Variants in PDIA6 observed in about 807,000 individuals in gnomAD.
PDIA6 encodes protein disulfide isomerase family A member 6.
Under a neutral mutation model 58.4 loss-of-function variants are expected in PDIA6, and 29 were observed. The observed-to-expected ratio is 0.50, with a 90% CI of 0.37 to 0.68. The LOEUF (loss-of-function observed/expected upper bound fraction) is 0.68. Ranked by LOEUF, PDIA6 falls within the 30% of genes least tolerant of loss-of-function variation. PDIA6 has a pLI of 0.00. For missense variants in PDIA6, 480 were observed against 551.0 expected (o/e 0.87, Z 1.29); for synonymous variants, 192 against 202.6 (o/e 0.95, Z 0.44).
chr2:10,784,428 C>T, intron 12 of PDIA6, 102 bp from the exon 13 acceptor site: 1 of 856,236 alleles, frequency 1.2e-6, no homozygotes, highest in Non-Finnish European at 1.8e-6. Flanking sequence ...GCTACTCCTG[C>T]TACAATCCAG....
At chr2:10,825,419 A>T (rs1190552317) in intron 1 of PDIA6, among the ~76,000 whole-genome samples, 1 of 152,212 alleles carries the variant, frequency 6.6e-6, no homozygotes, top group African/African-American at 2.4e-5. Context: ...AGTTTAAATT[A>T]GTTCACACTC....
chr2:10,830,886 C>T (rs898287841), intron 1 of PDIA6, among the ~76,000 whole-genome samples: 1 of 152,186 alleles, frequency 6.6e-6, no homozygotes, highest in Non-Finnish European at 1.5e-5. Flanking sequence ...CTTCTGTGGT[C>T]TCCTTGGGCG....
chr2:10,803,894 T>C (rs1179627766), intron 1 of PDIA6, among the ~76,000 whole-genome samples: 2 of 147,290 alleles, frequency 1.4e-5, no homozygotes, highest in Non-Finnish European at 3.0e-5. Flanking sequence ...TGTGCGTGTT[T>C]GTGTCCTAGT....
At chr2:10,804,559 GT>G (rs1420056971) in intron 1 of PDIA6, among the ~76,000 whole-genome samples, 1 of 127,984 alleles carries the variant, frequency 7.8e-6, no homozygotes, top group African/African-American at 2.6e-5. Flanking sequence ...GTACCATGCT[GT>G]TTTGGTTACT....
In PDIA6 at chr2:10,797,078, T is replaced by C. The variant is rs749404593; in HGVS notation, c.346+3A>G. 4.4e-5 allele frequency: 71 copies of C among 1,613,260 alleles called. No individual in the cohort carries two copies. The Admixed American group carries it at 5.5e-4, about 13-fold the overall frequency. ...GAATGAAGTAGCTAGGAAAAGTCCTTACCTTGGTAATCTTCTGGTCTGTTT... is the reference window on the plus strand; with the variant it reads ...GAATGAAGTAGCTAGGAAAAGTCCTCACCTTGGTAATCTTCTGGTCTGTTT... On this transcript the variant is annotated splice_donor_region_variant and intron_variant, in intron 4 of 12. Coordinates refer to ENST00000272227, the MANE Select transcript of PDIA6 (RefSeq NM_005742.4).
Position 10,818,181 on chromosome 2 carries a change from G to A in PDIA6, c.34+1093C>T, listed in dbSNP as rs771002110. ...ACCACTTTAACTTTTTTTTTTTTTT[G>A]AGACAGGGTCTCACTCTGTCACCCA... On this transcript the variant is annotated intron_variant, in intron 2 of 13. Transcript: ENST00000381611. Among the ~76,000 whole-genome samples the A allele has an allele frequency of 2.4e-3, 312 of 132,408 alleles. 5 individuals carry two copies. Among genetic ancestry groups the A allele is most frequent in the Admixed American group, 6.3e-3 (83 of 13,136 alleles). The allele number at this position is 132,408 out of a possible 152,430, so 86.9% of individuals were successfully genotyped here.
intron 1 of PDIA6, among the ~76,000 whole-genome samples, chr2:10,805,869 A>G: frequency 1.2e-5 from 1 of 81,046 alleles, no homozygotes; most frequent in Admixed American, 1.7e-4. Flanking sequence ...ATGAGATCAC[A>G]TGGACACAGG....
intron 1 of PDIA6, among the ~76,000 whole-genome samples, chr2:10,824,154 T>C (rs970453331): frequency 6.6e-6 from 1 of 151,674 alleles, no homozygotes; most frequent in African/African-American, 2.4e-5. Context: ...CATACTGTAG[T>C]GGATGCTGTG....
chr2:10,820,942 G>T lies in PDIA6; in HGVS notation c.-47-1588C>A, dbSNP rs919692990. On this transcript the variant is annotated intron_variant, in intron 1 of 13. Transcript: ENST00000381611. ...TCCTAAGAGTCAGGAAGAGGAAGCT[G>T]CCACTTCAGGACCTGGGTTTGGAAA... 13 of 687,786 alleles carry T rather than the reference G, an allele frequency of 1.9e-5. No homozygotes were observed. In the Admixed American group the frequency reaches 2.4e-4, roughly 13 times the overall value. The allele number at this position is 687,786 out of a possible 1,614,324, so 42.6% of individuals were successfully genotyped here. A position where few individuals can be genotyped will look rare whatever the true frequency, so the allele number is the denominator to read the frequency against.
chr2:10,785,175 A>G (rs1380887648), intron 11 of PDIA6, 145 bp from the exon 12 acceptor site: 7 of 623,476 alleles, frequency 1.1e-5, no homozygotes, highest in Non-Finnish European at 1.7e-5. Flanking sequence ...TTCCTCAGAA[A>G]CACCTTGAGG....
intron 1 of PDIA6, among the ~76,000 whole-genome samples, chr2:10,827,876 A>G (rs1251490450): frequency 6.6e-6 from 1 of 152,158 alleles, no homozygotes; most frequent in African/African-American, 2.4e-5. Context: ...AGAGTAAAAA[A>G]AAAGTTTGTG....
intron 1 of PDIA6, among the ~76,000 whole-genome samples, chr2:10,829,639 C>A (rs535779320): frequency 3.7e-4 from 56 of 152,362 alleles, no homozygotes; most frequent in Non-Finnish European, 6.3e-4. Context: ...CTCCTCTCCA[C>A]ACAAATCCTA....
rs866977752 is a variant in PDIA6, at chr2:10,812,605, G to A, written c.19+73C>T. On this transcript the variant is annotated intron_variant, in intron 1 of 12. Transcript: ENST00000272227. The stretch of plus-strand genomic sequence containing the variant: ...CCGCCTGCGGCCGCGGCCCGCCGGG[G>A]AACGGCCTAGAGATTCGAAACCTTT... The A allele has an allele frequency of 1.4e-4, 196 of 1,397,160 alleles. 1 individual carries two copies. Among genetic ancestry groups the A allele is most frequent in the Admixed American group, 3.3e-4 (12 of 36,048 alleles). 86.5% of individuals were successfully genotyped at this position (1,397,160 alleles called of 1,614,324 possible).
upstream of PDIA6, among the ~76,000 whole-genome samples, chr2:10,833,555 G>A (rs374565534): frequency 3.3e-5 from 5 of 152,184 alleles, no homozygotes; most frequent in East Asian, 1.9e-4. Context: ...AGGTAGAGGC[G>A]GCTGGGCCCT....
At chr2:10,798,567 C>A (rs1040149880) in intron 2 of PDIA6, among the ~76,000 whole-genome samples, 2 of 103,302 alleles carry the variant, frequency 1.9e-5, no homozygotes, top group South Asian at 4.0e-4. Flanking sequence ...GACTCTGTCC[C>A]CCACCCAAAA....
intron 1 of PDIA6, among the ~76,000 whole-genome samples, chr2:10,821,956 A>AG (rs1553341735): frequency 6.7e-6 from 1 of 149,610 alleles, no homozygotes; most frequent in East Asian, 2.0e-4. Context: ...TAAAAAAAAA[A>AG]TTTTTTTGAG....
At chr2:10,799,822 T>C (rs1666424999) in intron 2 of PDIA6, among the ~76,000 whole-genome samples, 1 of 150,602 alleles carries the variant, frequency 6.6e-6, no homozygotes, top group Non-Finnish European at 1.5e-5. Context: ...AAATATGGCA[T>C]ACAGTCTACC....
intron 1 of PDIA6, among the ~76,000 whole-genome samples, chr2:10,826,324 A>G (rs1734406): frequency 0.61 from 93,213 of 151,900 alleles, 29,036 homozygotes; most frequent in East Asian, 0.8. Flanking sequence ...GGGAGAGGAC[A>G]GTTGCACATA....
intron 1 of PDIA6, among the ~76,000 whole-genome samples, chr2:10,830,388 C>A (rs1456469795): frequency 6.6e-6 from 1 of 152,250 alleles, no homozygotes; most frequent in Non-Finnish European, 1.5e-5. Flanking sequence ...AGTTTGCAAG[C>A]CTGCCTGGTT....
Sources: gnomAD v4.1 joint callset for allele counts (sites outside exome capture counted in the v4.1 genomes callset) on GRCh38, gnomAD v4.1.1 for gene constraint, MANE v1.5 for transcripts, NCBI Gene and HGNC (gene_info 2026-07-23, HGNC 2026-07-21) for gene names.